Variants in KLHL4 observed in about 807,000 individuals in gnomAD.
KLHL4 encodes the protein kelch-like protein 4.
KLHL4 carries 17 observed loss-of-function variants against 45.8 expected under a neutral mutation model. That is an observed-to-expected ratio of 0.37 (90% CI 0.25 to 0.56). The LOEUF (loss-of-function observed/expected upper bound fraction) is 0.56, where lower values mean the gene tolerates loss of function less well. Among genes scored for constraint, KLHL4 ranks in the 20% least tolerant of loss-of-function variants. The probability of loss-of-function intolerance (pLI) is 0.79; values close to 1 mark genes in which losing one functional copy is unlikely to be tolerated. For missense variants in KLHL4, 544 were observed against 544.9 expected (o/e 1.00, Z 0.02); for synonymous variants, 224 against 189.9 (o/e 1.18, Z -1.47).
intron 1 of KLHL4, among the ~76,000 whole-genome samples, chrX:87,533,280 A>C (rs1315603087): frequency 2.0e-5 from 2 of 102,223 alleles, no homozygotes; most frequent in East Asian, 3.2e-4. Flanking sequence ...CACTATTCAC[A>C]ATAGCAAAGA....
chrX:87,561,543 T>C (rs1248153635), intron 1 of KLHL4, among the ~76,000 whole-genome samples: 1 of 111,437 alleles, frequency 9.0e-6, no homozygotes, highest in East Asian at 2.9e-4. Context: ...TAAAGTGTTA[T>C]GGGATCCTAA....
intron 1 of KLHL4, among the ~76,000 whole-genome samples, chrX:87,549,003 T>C (rs1931748406): frequency 9.1e-6 from 1 of 110,190 alleles, no homozygotes; most frequent in Non-Finnish European, 1.9e-5. Context: ...AAAAATTGCC[T>C]ATTGATCTTT....
At chrX:87,626,445 AGC>A (rs1922930773) in intron 6 of KLHL4, among the ~76,000 whole-genome samples, 1 of 111,222 alleles carries the variant, frequency 9.0e-6, no homozygotes, top group African/African-American at 3.3e-5. Context: ...TAAACAATAA[AGC>A]AGAGGAAGCA....
At chrX:87,536,741 G>T (rs907617860) in intron 1 of KLHL4, among the ~76,000 whole-genome samples, 2 of 110,654 alleles carry the variant, frequency 1.8e-5, no homozygotes, top group Non-Finnish European at 3.8e-5. Flanking sequence ...ATACAAATCT[G>T]AAAAAAATAT....
At chrX:87,522,618 A>C (rs1215214741) in intron 1 of KLHL4, among the ~76,000 whole-genome samples, 5 of 112,431 alleles carry the variant, frequency 4.4e-5, no homozygotes, top group African/African-American at 1.3e-4. Context: ...TTTATGTCAA[A>C]TGAAGGAATG....
At chrX:87,618,231 A>T (rs940246037) in intron 4 of KLHL4, 103 bp downstream of exon 4, 7 of 595,301 alleles carry the variant, frequency 1.2e-5, no homozygotes, top group Non-Finnish European at 1.7e-5. Flanking sequence ...TGACTTTCAC[A>T]TATGATATAT....
chrX:87,641,443 T>G (rs904101852), intron 9 of KLHL4, among the ~76,000 whole-genome samples: 1 of 111,499 alleles, frequency 9.0e-6, no homozygotes, highest in African/African-American at 3.3e-5. Context: ...AGGGATACAT[T>G]TGGAGGCTGG....
chrX:87,563,530 G>A (rs1190588826), intron 1 of KLHL4, among the ~76,000 whole-genome samples: 2 of 104,145 alleles, frequency 1.9e-5, no homozygotes, highest in Admixed American at 1.1e-4. Context: ...TCTCTCAACA[G>A]TAGAATTGAT....
At chrX:87,648,561 G>T (rs1402569613) in intron 9 of KLHL4, among the ~76,000 whole-genome samples, 2 of 110,913 alleles carry the variant, frequency 1.8e-5, no homozygotes, top group Non-Finnish European at 3.8e-5. Flanking sequence ...AGAAGAGCTG[G>T]AATATCATGA....
At chrX:87,655,637 A>G (rs1923965865) in intron 9 of KLHL4, among the ~76,000 whole-genome samples, 1 of 110,609 alleles carries the variant, frequency 9.0e-6, no homozygotes. Flanking sequence ...TTTTTAATCC[A>G]TTTTGTCAAC....
intron 1 of KLHL4, among the ~76,000 whole-genome samples, chrX:87,553,809 A>C (rs1931892640): frequency 9.0e-6 from 1 of 111,082 alleles, no homozygotes; most frequent in Non-Finnish European, 1.9e-5. Flanking sequence ...CTATGTCCTG[A>C]ATGGTAATGC....
chrX:87,659,113 C>CTTTTTTTTTTTTTT (rs1178733729), intron 9 of KLHL4, among the ~76,000 whole-genome samples: 26 of 45,092 alleles, frequency 5.8e-4, no homozygotes, highest in Admixed American at 1.4e-3. Flanking sequence ...TCTTTTCTTT[C>CTTTTTTTTTTTTTT]TTTTTTTTTT....
At chrX:87,642,997 T>G (rs1211429864) in intron 9 of KLHL4, among the ~76,000 whole-genome samples, 1 of 111,577 alleles carries the variant, frequency 9.0e-6, no homozygotes, top group East Asian at 2.8e-4. Flanking sequence ...TGAGGAAAGC[T>G]TCCCTGGTCT....
chrX:87,539,986 A>C (rs996349170), intron 1 of KLHL4, among the ~76,000 whole-genome samples: 2 of 112,068 alleles, frequency 1.8e-5, no homozygotes, highest in Non-Finnish European at 3.8e-5. Flanking sequence ...TATAGCTACA[A>C]ACCTGTGTAG....
chrX:87,526,021 G>C (rs145666348), intron 1 of KLHL4, among the ~76,000 whole-genome samples: 2,276 of 111,322 alleles, frequency 0.02, 60 homozygotes, highest in African/African-American at 0.07. Context: ...AGAAGCAATT[G>C]GTTCTTCATC....
intron 1 of KLHL4, among the ~76,000 whole-genome samples, chrX:87,546,529 G>C (rs1036011073): frequency 9.8e-5 from 11 of 112,609 alleles, no homozygotes; most frequent in Non-Finnish European, 9.4e-5. Context: ...TGTCAGGGCA[G>C]TGCAAAGGGA....
At chrX:87,598,218 T>C (rs1350057395) in intron 1 of KLHL4, among the ~76,000 whole-genome samples, 2 of 111,100 alleles carry the variant, frequency 1.8e-5, no homozygotes, top group Non-Finnish European at 3.8e-5. Context: ...TATTTTGGTA[T>C]GTAAAATTAA....
chrX:87,632,171 A>G, intron 6 of KLHL4, 39 bp from the exon 7 acceptor site: 1 of 873,265 alleles, frequency 1.1e-6, no homozygotes. Flanking sequence ...AAATTTCAAT[A>G]GAAGTAGATT....
chrX:87,623,561 G>A (rs1020536762), intron 5 of KLHL4, among the ~76,000 whole-genome samples: 5 of 110,264 alleles, frequency 4.5e-5, no homozygotes, highest in African/African-American at 1.6e-4. Context: ...CAAAGTGCTG[G>A]GATTACAGGT....
Sources: gnomAD v4.1 joint callset for allele counts (sites outside exome capture counted in the v4.1 genomes callset) on GRCh38, gnomAD v4.1.1 for gene constraint, MANE v1.5 for transcripts, NCBI Gene and HGNC (gene_info 2026-07-23, HGNC 2026-07-21) for gene names.